DRC12: variants seen among roughly 807,000 people sequenced by gnomAD.
DRC12 encodes the protein dynein regulatory complex subunit 12 homolog, also known as dynein regulatory complex protein 12.
chr11:119,192,352 C>A, the DRC12 span, among the ~76,000 whole-genome samples: 1 of 152,166 alleles, frequency 6.6e-6, no homozygotes, highest in East Asian at 1.9e-4. Flanking sequence ...GATATTTCAA[C>A]ATTATTTTGT....
chr11:119,190,645 G>A, the DRC12 span: 1 of 1,581,510 alleles, frequency 6.3e-7, no homozygotes, highest in South Asian at 1.2e-5. This position sits in a 1 kb window ranked among gnomAD's most constrained non-coding sequence, Gnocchi z 4.2. Context: ...CATACGAGCT[G>A]GGGTTTGTGG....
chr11:119,195,462 C>T, the DRC12 span: 1 of 1,551,446 alleles, frequency 6.4e-7, no homozygotes, highest in African/African-American at 1.4e-5. Context: ...AGATTTCTTC[C>T]CTTTTTCTTT....
the DRC12 span, chr11:119,195,552 T>A: frequency 2.3e-6 from 3 of 1,319,368 alleles, no homozygotes; most frequent in East Asian, 7.5e-5. Context: ...GATGCTTTCC[T>A]GAGCTTTAGA....
At chr11:119,191,572 C>G in the DRC12 span, among the ~76,000 whole-genome samples, 1 of 151,570 alleles carries the variant, frequency 6.6e-6, no homozygotes, top group South Asian at 2.1e-4. Flanking sequence ...TTTGGGAGGC[C>G]GAGGAGGGCG....
chr11:119,190,327 A>G, the DRC12 span: 1 of 1,614,022 alleles, frequency 6.2e-7, no homozygotes, highest in Non-Finnish European at 8.5e-7. This position sits in a 1 kb window ranked among gnomAD's most constrained non-coding sequence, Gnocchi z 4.2. Context: ...GTGGCCTCAA[A>G]GATCCAGGGG....
chr11:119,191,131 C>A, the DRC12 span, among the ~76,000 whole-genome samples: 1 of 150,092 alleles, frequency 6.7e-6, no homozygotes, highest in Non-Finnish European at 1.5e-5. Flanking sequence ...GATGGAGTCT[C>A]ACTCTGTCGC....
chr11:119,192,669 CAG>C, the DRC12 span, among the ~76,000 whole-genome samples: 1 of 151,920 alleles, frequency 6.6e-6, no homozygotes, highest in Non-Finnish European at 1.5e-5. Flanking sequence ...TTTTTTGAGA[CAG>C]AGTCTTGCTC....
At chr11:119,190,709 C>T in the DRC12 span, 4 of 1,613,130 alleles carry the variant, frequency 2.5e-6, no homozygotes, top group South Asian at 1.1e-5. The surrounding 1 kb of genome is among the most constrained non-coding windows in gnomAD (Gnocchi z 4.2). Context: ...GTGGTGCTTA[C>T]GTGTAAGATT....
chr11:119,190,407 G>C, the DRC12 span: 1 of 1,613,916 alleles, frequency 6.2e-7, no homozygotes. This position sits in a 1 kb window ranked among gnomAD's most constrained non-coding sequence, Gnocchi z 4.2. Flanking sequence ...CCATCCCACT[G>C]CTGCTTGATG....
the DRC12 span, chr11:119,194,856 C>T: frequency 8.0e-7 from 1 of 1,244,252 alleles, no homozygotes; most frequent in Non-Finnish European, 1.1e-6. Context: ...TCCAATCCCC[C>T]AGGATACAGA....
the DRC12 span, chr11:119,193,811 C>A: frequency 2.6e-6 from 4 of 1,551,584 alleles, no homozygotes; most frequent in Non-Finnish European, 3.5e-6. Context: ...TCCAGCTCAG[C>A]CTCCACCCCT....
the DRC12 span, chr11:119,194,955 A>T: frequency 6.4e-7 from 1 of 1,551,378 alleles, no homozygotes; most frequent in South Asian, 1.2e-5. Flanking sequence ...CTTCTCCAGC[A>T]CCACCAGCCT....
chr11:119,190,517 T>C, the DRC12 span: 7 of 1,604,328 alleles, frequency 4.4e-6, no homozygotes, highest in Admixed American at 1.2e-4. The surrounding 1 kb of genome is among the most constrained non-coding windows in gnomAD (Gnocchi z 4.2). Context: ...CTGCCCCAGG[T>C]TGGTTCATAA....
chr11:119,193,480 C>T, the DRC12 span: 1 of 1,172,348 alleles, frequency 8.5e-7, no homozygotes, highest in Non-Finnish European at 1.2e-6. Context: ...AGCCCTTCTC[C>T]CCGCCCATGG....
the DRC12 span, chr11:119,190,847 G>A: frequency 6.2e-7 from 1 of 1,609,884 alleles, no homozygotes; most frequent in Non-Finnish European, 8.5e-7. This position sits in a 1 kb window ranked among gnomAD's most constrained non-coding sequence, Gnocchi z 4.2. Context: ...GCCTCTGGGG[G>A]CAGGCAGGAT....
chr11:119,194,804 G>T, the DRC12 span: 1 of 626,184 alleles, frequency 1.6e-6, no homozygotes, highest in Non-Finnish European at 2.8e-6. Context: ...TCCACTAGGG[G>T]ATGGTTAGGG....
the DRC12 span, among the ~76,000 whole-genome samples, chr11:119,194,514 T>A: frequency 3.8e-3 from 5 of 1,314 alleles, no homozygotes; most frequent in Non-Finnish European, 5.3e-3. Flanking sequence ...AGACTCTGTC[T>A]CAAAAAAAAA....
the DRC12 span, among the ~76,000 whole-genome samples, chr11:119,191,506 C>T: frequency 6.6e-6 from 1 of 151,802 alleles, no homozygotes; most frequent in African/African-American, 2.4e-5. Flanking sequence ...AGGAGGTGCT[C>T]AGTAAACATT....
At chr11:119,193,142 G>A in the DRC12 span, 1 of 1,613,186 alleles carries the variant, frequency 6.2e-7, no homozygotes, top group African/African-American at 1.3e-5. Context: ...GGAGGGTGGG[G>A]AAACCTACCT....
Sources: gnomAD v4.1 joint callset for allele counts (sites outside exome capture counted in the v4.1 genomes callset) on GRCh38, gnomAD v4.1.1 for gene constraint, Gnocchi (gnomAD v3.1) non-coding constraint, MANE v1.5 for transcripts, NCBI Gene and HGNC (gene_info 2026-07-23, HGNC 2026-07-21) for gene names.